The following LRP2 variants were observed in gnomAD, a reference collection of about 807,000 sequenced individuals.
LRP2 encodes the protein LDL receptor related protein 2.
A neutral mutation model predicts 531.0 loss-of-function variants in LRP2; 172 were observed. That is an observed-to-expected ratio of 0.32 (90% CI 0.29 to 0.37). LRP2 has a LOEUF of 0.37. Ranked by LOEUF, LRP2 falls within the 10% of genes least tolerant of loss-of-function variation. The pLI is 1.00. For synonymous variants in LRP2, 1,992 were observed against 2,027.6 expected (o/e 0.98, Z 0.47); for missense variants, 5,167 against 5,868.3 (o/e 0.88, Z 3.90).
At chr2:169,260,226 A>G (rs1007432371) in intron 16 of LRP2, among the ~76,000 whole-genome samples, 2 of 152,154 alleles carry the variant, frequency 1.3e-5, no homozygotes, top group Admixed American at 1.3e-4. Flanking sequence ...CTAGGCCAAG[A>G]GACAAAAATA....
intron 40 of LRP2, 64 bp from the exon 41 acceptor site, chr2:169,205,701 A>AG: frequency 6.7e-7 from 1 of 1,490,036 alleles, no homozygotes; most frequent in Non-Finnish European, 9.3e-7. Context: ...TAAAAAAAAA[A>AG]AAAAGGACAA....
At chr2:169,322,873 G>A (rs1250283699) in intron 1 of LRP2, among the ~76,000 whole-genome samples, 1 of 152,046 alleles carries the variant, frequency 6.6e-6, no homozygotes, top group African/African-American at 2.4e-5. Context: ...GAGTATTTAG[G>A]AGGAAATTAT....
chr2:169,298,675 G>A (rs925799784), intron 4 of LRP2, among the ~76,000 whole-genome samples: 3 of 152,142 alleles, frequency 2.0e-5, no homozygotes, highest in Non-Finnish European at 2.9e-5. Flanking sequence ...GAAGGGAAAA[G>A]TGAGGCCAAC....
chr2:169,162,159 A>T (rs999058001), intron 63 of LRP2, among the ~76,000 whole-genome samples: 1 of 152,228 alleles, frequency 6.6e-6, no homozygotes, highest in African/African-American at 2.4e-5. Context: ...CAGAGTTCAA[A>T]TCCTGAGTCA....
intron 3 of LRP2, among the ~76,000 whole-genome samples, chr2:169,311,221 G>A (rs530126662): frequency 1.3e-5 from 2 of 152,262 alleles, no homozygotes; most frequent in Admixed American, 6.5e-5. Context: ...TCTGATCTTA[G>A]TTATTTCTTG....
Position 169,178,040 on chromosome 2 carries a change from C to T in LRP2, c.10170-14G>A, listed in dbSNP as rs1195165050. Reference sequence around the variant, plus strand: ...AAATCAGAGTACCTGCAGCAGTAAGCAGAAACAGTTATGTGATAAAGGTAA... The same window carrying T: ...AAATCAGAGTACCTGCAGCAGTAAGTAGAAACAGTTATGTGATAAAGGTAA... On this transcript the variant is annotated splice_polypyrimidine_tract_variant and intron_variant, in intron 52 of 78. Coordinates refer to ENST00000649046, the MANE Select transcript of LRP2 (RefSeq NM_004525.3). The T allele has an allele frequency of 1.3e-6, 2 of 1,587,068 alleles. No homozygotes were observed. Among genetic ancestry groups the T allele is most frequent in the Non-Finnish European group, 8.6e-7 (1 of 1,157,014 alleles).
chr2:169,327,057 C>T lies in LRP2; in HGVS notation c.80-6173G>A, dbSNP rs1407994585. Among the ~76,000 whole-genome samples the T allele has an allele frequency of 7.3e-5, 11 of 150,382 alleles. No homozygotes were observed. The East Asian group carries it at 8.0e-4, about 11-fold the overall frequency. ...CTGGGAAGTGAGGAGCGTCTCCGCCCGGCAGCCGCCCAGTCCGGGAGGGAG... is the reference window on the plus strand; with the variant it reads ...CTGGGAAGTGAGGAGCGTCTCCGCCTGGCAGCCGCCCAGTCCGGGAGGGAG... On this transcript the variant is annotated intron_variant, in intron 1 of 78. Transcript: ENST00000649046.
chr2:169,130,456 T>G (rs1358113423), intron 77 of LRP2, among the ~76,000 whole-genome samples: 2 of 152,024 alleles, frequency 1.3e-5, no homozygotes, highest in Non-Finnish European at 2.9e-5. Flanking sequence ...CTCAGCTAAT[T>G]TTTGCATTTT....
At chr2:169,328,337 G>A (rs1685171771) in intron 1 of LRP2, among the ~76,000 whole-genome samples, 1 of 145,396 alleles carries the variant, frequency 6.9e-6, no homozygotes, top group Admixed American at 6.8e-5. Flanking sequence ...GAGGTGAGGG[G>A]CGCCTCTGCC....
In LRP2 at chr2:169,233,593, G is replaced by T. The variant is rs762442430; in HGVS notation, c.4921-5C>A. 4 of 1,613,958 alleles carry T rather than the reference G, an allele frequency of 2.5e-6. No individual in the cohort carries two copies. Among genetic ancestry groups the T allele is most frequent in the Non-Finnish European group, 3.4e-6 (4 of 1,179,850 alleles). The stretch of plus-strand genomic sequence containing the variant: ...GGCATAGGGGTGCCGTATAATCTGT[G>T]AGGCAGAAGAGAACAGTGAGACCTC... On this transcript the variant is annotated splice_region_variant and splice_polypyrimidine_tract_variant and intron_variant, in intron 29 of 78. Transcript: ENST00000649046.
At chr2:169,261,876 C>A (rs1190407441) in intron 16 of LRP2, among the ~76,000 whole-genome samples, 2 of 151,814 alleles carry the variant, frequency 1.3e-5, no homozygotes, top group Admixed American at 6.6e-5. Context: ...TCCAGCAGCA[C>A]ATCAAAAAGC....
intron 9 of LRP2, 104 bp from the exon 10 acceptor site, chr2:169,283,105 A>G: frequency 8.6e-7 from 1 of 1,159,642 alleles, no homozygotes; most frequent in Middle Eastern, 1.9e-4. Context: ...GGTGTTGCCC[A>G]TGTCTAAATA....
chr2:169,220,954 C>T (rs535231420), intron 33 of LRP2, among the ~76,000 whole-genome samples: 1 of 152,202 alleles, frequency 6.6e-6, no homozygotes, highest in East Asian at 1.9e-4. Context: ...CTTTCCTGCA[C>T]CCCACCAAGG....
intron 16 of LRP2, among the ~76,000 whole-genome samples, chr2:169,268,358 A>G (rs1470948623): frequency 6.6e-6 from 1 of 152,230 alleles, no homozygotes; most frequent in African/African-American, 2.4e-5. Flanking sequence ...AAAATCCTCA[A>G]TAAAATACTG....
intron 52 of LRP2, among the ~76,000 whole-genome samples, chr2:169,178,352 G>C (rs1392097906): frequency 6.6e-6 from 1 of 152,172 alleles, no homozygotes; most frequent in Non-Finnish European, 1.5e-5. Context: ...GCCTCTTATA[G>C]TGATGTTCCT....
At position 169,294,220 on chromosome 2, in the gene LRP2, C is replaced by G. The variant is rs765476425; in HGVS notation, c.580G>C (p.Glu194Gln). ...LHNEFSCGNG[E>Q]CIPRAYVCDH... ...CAGACATAAGCACGAGGGATACACT[C>G]TCCATTGCCACATGAAAACTCATTG... is the stretch of plus-strand genomic sequence containing the variant. The change falls in exon 6 of 79, where the codon GAG becomes CAG. Residue 194 changes from glutamate (E) to glutamine (Q), a missense_variant. Transcript: ENST00000649046. The G allele has an allele frequency of 6.2e-7, 1 of 1,613,902 alleles. No homozygotes were observed. Among genetic ancestry groups the G allele is most frequent in the South Asian group, 1.1e-5 (1 of 91,072 alleles).
At position 169,275,029 on chromosome 2, in the gene LRP2, G is replaced by T; in HGVS notation, c.1975+7C>A. The stretch of plus-strand genomic sequence containing the variant: ...CCAAGCATGGTTACCACTGCTCTGA[G>T]GCTTACCATAGGGCTGTCTGAGGGA... On this transcript the variant is annotated splice_region_variant and intron_variant, in intron 14 of 78. Coordinates refer to ENST00000649046, the MANE Select transcript of LRP2 (RefSeq NM_004525.3). 2 of 1,612,978 alleles carry T rather than the reference G, an allele frequency of 1.2e-6. No individual in the cohort carries two copies. The highest frequency in any genetic ancestry group is 1.7e-6 in the Non-Finnish European group (2 of 1,179,278).
chr2:169,315,614 A>G (rs1464999217), intron 3 of LRP2, among the ~76,000 whole-genome samples: 1 of 152,218 alleles, frequency 6.6e-6, no homozygotes. Flanking sequence ...TGATAGACAT[A>G]GGAAAATAAG....
At chr2:169,348,938 G>T (rs547073347) in intron 1 of LRP2, among the ~76,000 whole-genome samples, 2 of 152,116 alleles carry the variant, frequency 1.3e-5, no homozygotes, top group African/African-American at 2.4e-5. Context: ...CAGGGGCCTC[G>T]AGGAATTAAG....
Sources: gnomAD v4.1 joint callset for allele counts (sites outside exome capture counted in the v4.1 genomes callset) on GRCh38, gnomAD v4.1.1 for gene constraint, MANE v1.5 for transcripts, NCBI Gene and HGNC (gene_info 2026-07-23, HGNC 2026-07-21) for gene names.